The following OCA2 variants were observed in gnomAD, a reference collection of about 807,000 sequenced individuals.
OCA2 encodes the protein OCA2 melanosomal transmembrane protein.
A neutral mutation model predicts 100.2 loss-of-function variants in OCA2; 77 were observed. The ratio of observed to expected loss-of-function variants is 0.77; its 90% CI spans 0.64 to 0.93. OCA2 has a LOEUF of 0.93. Ranked by LOEUF, OCA2 falls within the 40% of genes least tolerant of loss-of-function variation. The pLI is 0.00. For synonymous variants in OCA2, 432 were observed against 439.2 expected, an observed-to-expected ratio of 0.98 and a Z score of 0.21; for missense variants, 1,062 against 1,089.1, an observed-to-expected ratio of 0.98 and a Z score of 0.35.
intron 19 of OCA2, among the ~76,000 whole-genome samples, chr15:27,897,820 G>A (rs2703975): frequency 0.092 from 14,060 of 152,198 alleles, 1,459 homozygotes; most frequent in African/African-American, 0.25. Context: ...CAACCAGCCC[G>A]TGAAGGCAGC....
intron 2 of OCA2, among the ~76,000 whole-genome samples, chr15:28,074,225 T>C (rs943035253): frequency 2.6e-5 from 4 of 152,156 alleles, no homozygotes; most frequent in Non-Finnish European, 5.9e-5. Context: ...GATAATCACA[T>C]AGACTGATGG....
At position 28,014,815 on chromosome 15, in the gene OCA2, C is replaced by T. The variant is rs763586305; in HGVS notation, c.1005G>A (p.Thr335=). The stretch of plus-strand genomic sequence containing the variant: ...GCGCGTAGACGCCCGCGAGGATGGC[C>T]GTCGCGATGGTCACCTGGGTTTCTA... The part of the protein sequence containing the change: ...GSVETQVTIA[T]AILAGVYALI... The change falls in exon 9 of 24, where the codon ACG becomes ACA. Residue 335 remains threonine (T), a synonymous_variant. Coordinates refer to ENST00000354638, the MANE Select transcript of OCA2 (RefSeq NM_000275.3). 3.8e-5 allele frequency: 61 copies of T among 1,613,842 alleles called. No homozygotes were observed. The South Asian group carries it at 5.2e-4, about 14-fold the overall frequency.
In OCA2 at chr15:27,935,508, G is replaced by A. The variant is rs373603030; in HGVS notation, c.1952-9254C>T. On this transcript the variant is annotated intron_variant, in intron 18 of 23. Transcript: ENST00000354638. Reference sequence around the variant, plus strand: ...CACCAGTCCCCCAGCAGCCTCCTCCGCACAGGCATTTGCTGGGCATCTCTC... The same window carrying A: ...CACCAGTCCCCCAGCAGCCTCCTCCACACAGGCATTTGCTGGGCATCTCTC... Among the ~76,000 whole-genome samples, 73 of 152,290 alleles carry A rather than the reference G, an allele frequency of 4.8e-4. 1 individual carries two copies. The South Asian group carries it at 7.7e-3, about 16-fold the overall frequency.
intron 18 of OCA2, among the ~76,000 whole-genome samples, chr15:27,944,362 C>T (rs2140524654): frequency 6.6e-6 from 1 of 152,280 alleles, no homozygotes; most frequent in African/African-American, 2.4e-5. Context: ...TAAATGATAA[C>T]AGCCCTTCCC....
At chr15:28,011,918 A>C (rs2042251866) in intron 9 of OCA2, among the ~76,000 whole-genome samples, 1 of 151,880 alleles carries the variant, frequency 6.6e-6, no homozygotes, top group African/African-American at 2.4e-5. Flanking sequence ...CTCCATCTCA[A>C]AAAAGAAAAA....
intron 2 of OCA2, among the ~76,000 whole-genome samples, chr15:28,074,304 C>T (rs1274373227): frequency 6.6e-6 from 1 of 151,928 alleles, no homozygotes; most frequent in Non-Finnish European, 1.5e-5. Context: ...TTTGGGAGGC[C>T]GAGGTGGGTG....
chr15:27,825,812 T>C (rs12913028), intron 23 of OCA2, among the ~76,000 whole-genome samples: 20,325 of 152,220 alleles, frequency 0.13, 2,079 homozygotes, highest in Non-Finnish European at 0.21. Context: ...CCCAGCCCAC[T>C]ATGCCCCAGT....
intron 16 of OCA2, among the ~76,000 whole-genome samples, chr15:27,956,867 G>C (rs1329970075): frequency 6.6e-6 from 1 of 152,210 alleles, no homozygotes; most frequent in East Asian, 1.9e-4. Context: ...TGACCCCTCA[G>C]TGCACAGCGA....
intron 7 of OCA2, among the ~76,000 whole-genome samples, 163 bp from the exon 8 acceptor site, chr15:28,016,349 T>A (rs1055449776): frequency 6.6e-6 from 1 of 152,236 alleles, no homozygotes; most frequent in East Asian, 1.9e-4. Context: ...TGTTAGGAGC[T>A]AGTGCAGGTG....
chr15:27,752,213 G>T (rs1490558425), downstream of OCA2, among the ~76,000 whole-genome samples: 2 of 152,222 alleles, frequency 1.3e-5, no homozygotes, highest in Non-Finnish European at 2.9e-5. Flanking sequence ...GACAGTAAAA[G>T]TGTGTCCTCA....
At chr15:27,953,006 T>C (rs1247394369) in intron 17 of OCA2, among the ~76,000 whole-genome samples, 1 of 152,100 alleles carries the variant, frequency 6.6e-6, no homozygotes, top group East Asian at 1.9e-4. Flanking sequence ...TTCTTGAGTC[T>C]GGTCCCACCA....
chr15:27,874,931 A>G (rs1436646046), intron 19 of OCA2, among the ~76,000 whole-genome samples: 1 of 152,212 alleles, frequency 6.6e-6, no homozygotes, highest in African/African-American at 2.4e-5. Flanking sequence ...TGCACATGAA[A>G]ACTTGAGGGA....
At chr15:27,910,098 G>GAA (rs112849772) in intron 19 of OCA2, among the ~76,000 whole-genome samples, 1 of 148,070 alleles carries the variant, frequency 6.8e-6, no homozygotes, top group African/African-American at 2.5e-5. Flanking sequence ...CTTCAAACAT[G>GAA]AAAAAAAAAA....
At chr15:28,044,174 T>TA (rs909695000) in intron 2 of OCA2, among the ~76,000 whole-genome samples, 1 of 151,970 alleles carries the variant, frequency 6.6e-6, no homozygotes, top group African/African-American at 2.4e-5. Context: ...ATATCCCACA[T>TA]AAAAAAAGGG....
At chr15:28,049,514 C>T (rs2141547230) in intron 2 of OCA2, among the ~76,000 whole-genome samples, 1 of 152,326 alleles carries the variant, frequency 6.6e-6, no homozygotes, top group Admixed American at 6.5e-5. Flanking sequence ...GATACTTATA[C>T]ACCAATATTC....
At chr15:27,965,062 G>A (rs1213670783) in intron 15 of OCA2, among the ~76,000 whole-genome samples, 1 of 152,140 alleles carries the variant, frequency 6.6e-6, no homozygotes. Context: ...TGGGGATGAC[G>A]CTGAAAATCT....
intron 23 of OCA2, among the ~76,000 whole-genome samples, chr15:27,791,972 T>C (rs2033103462): frequency 2.0e-5 from 3 of 152,190 alleles, no homozygotes; most frequent in Admixed American, 2.0e-4. Flanking sequence ...TTGCACCTTA[T>C]GGGCTCTGAT....
At chr15:28,085,758 G>T (rs1042699898) in intron 1 of OCA2, among the ~76,000 whole-genome samples, 2 of 151,888 alleles carry the variant, frequency 1.3e-5, no homozygotes, top group African/African-American at 4.8e-5. Context: ...TACAGCTCAG[G>T]ACTGGTGCCT....
intron 18 of OCA2, among the ~76,000 whole-genome samples, chr15:27,947,008 G>A (rs907802844): frequency 3.3e-5 from 5 of 152,126 alleles, no homozygotes; most frequent in Non-Finnish European, 7.4e-5. Flanking sequence ...GGCCCTGCTG[G>A]GTTTCCCACT....
Sources: gnomAD v4.1 joint callset for allele counts (sites outside exome capture counted in the v4.1 genomes callset) on GRCh38, gnomAD v4.1.1 for gene constraint, MANE v1.5 for transcripts, NCBI Gene and HGNC (gene_info 2026-07-23, HGNC 2026-07-21) for gene names.